PTPRA: variants seen among roughly 807,000 people sequenced by gnomAD.
The protein encoded by PTPRA is receptor-type tyrosine-protein phosphatase alpha.
PTPRA carries 25 observed loss-of-function variants against 104.8 expected under a neutral mutation model. That is an observed-to-expected ratio of 0.24 (90% confidence interval 0.17 to 0.33). The LOEUF (loss-of-function observed/expected upper bound fraction) is 0.33. Ranked by LOEUF, PTPRA falls within the 10% of genes least tolerant of loss-of-function variation. The pLI, the probability that PTPRA is intolerant of heterozygous loss-of-function variation, is 1.00. For synonymous variants in PTPRA, 323 were observed against 368.9 expected (o/e 0.88, Z 1.43); for missense variants, 765 against 1,015.3 (o/e 0.75, Z 3.35).
chr20:2,956,269 G>A (rs901091253), intron 3 of PTPRA, among the ~76,000 whole-genome samples: 1 of 152,146 alleles, frequency 6.6e-6, no homozygotes, highest in African/African-American at 2.4e-5. Context: ...ACCTTGCTGT[G>A]ATAAAACCTT....
At chr20:3,034,047 G>A (rs1449806563) in intron 20 of PTPRA, among the ~76,000 whole-genome samples, 2 of 152,102 alleles carry the variant, frequency 1.3e-5, no homozygotes, top group Non-Finnish European at 2.9e-5. Flanking sequence ...GAGGCAGGTG[G>A]ATCACCTGAG....
chr20:2,972,622 A>G (rs1403139045), intron 5 of PTPRA, among the ~76,000 whole-genome samples: 1 of 151,928 alleles, frequency 6.6e-6, no homozygotes. Flanking sequence ...AGATTGATCT[A>G]TGTTTTTCCT....
intron 10 of PTPRA, among the ~76,000 whole-genome samples, chr20:3,006,627 A>G (rs573271927): frequency 1.2e-4 from 18 of 152,294 alleles, no homozygotes; most frequent in Non-Finnish European, 1.9e-4. Flanking sequence ...ATGCATTTAC[A>G]GATACTTTTG....
At chr20:2,898,713 C>T (rs1023610545) in intron 1 of PTPRA, among the ~76,000 whole-genome samples, 7 of 151,664 alleles carry the variant, frequency 4.6e-5, no homozygotes, top group African/African-American at 1.7e-4. Flanking sequence ...TAAAAATTAG[C>T]CGGGCATAGT....
intron 11 of PTPRA, among the ~76,000 whole-genome samples, chr20:3,014,362 G>C (rs369637172): frequency 3.2e-4 from 48 of 152,330 alleles, no homozygotes; most frequent in East Asian, 1.2e-3. Flanking sequence ...CTCAGACCAG[G>C]CACGGTGGCT....
At chr20:2,874,575 C>G (rs1188297777) in intron 1 of PTPRA, among the ~76,000 whole-genome samples, 2 of 152,248 alleles carry the variant, frequency 1.3e-5, no homozygotes, top group African/African-American at 2.4e-5. Context: ...CCACATCACC[C>G]TGGAGATGGC....
chr20:2,897,990 G>A (rs1018080331), intron 1 of PTPRA, among the ~76,000 whole-genome samples: 16 of 142,222 alleles, frequency 1.1e-4, no homozygotes, highest in Non-Finnish European at 2.4e-4. Context: ...TTTGTTCACT[G>A]CAACCTCCAC....
intron 1 of PTPRA, among the ~76,000 whole-genome samples, chr20:2,875,270 GTGGGAAC>G (rs2089644534): frequency 6.6e-6 from 1 of 152,110 alleles, no homozygotes; most frequent in Admixed American, 6.5e-5. Flanking sequence ...CAGTCAGCAG[GTGGGAAC>G]TGGTAGGTCC....
chr20:2,927,162 C>A (rs1037268666), intron 2 of PTPRA, among the ~76,000 whole-genome samples: 2 of 152,150 alleles, frequency 1.3e-5, no homozygotes, highest in African/African-American at 4.8e-5. Flanking sequence ...CCCTCCTCAG[C>A]CTCCCAAAGT....
chr20:2,919,150 T>G (rs896394219), intron 1 of PTPRA, among the ~76,000 whole-genome samples: 1 of 152,146 alleles, frequency 6.6e-6, no homozygotes. Context: ...AAGTTGATTG[T>G]CTCAAATTTC....
At chr20:2,882,080 A>G (rs1033967759) in intron 1 of PTPRA, among the ~76,000 whole-genome samples, 3 of 152,196 alleles carry the variant, frequency 2.0e-5, no homozygotes, top group Non-Finnish European at 2.9e-5. Context: ...CCACTTAAAC[A>G]AAAAATGGAC....
intron 1 of PTPRA, among the ~76,000 whole-genome samples, chr20:2,879,856 G>A (rs749471049): frequency 6.6e-6 from 1 of 152,178 alleles, no homozygotes; most frequent in Non-Finnish European, 1.5e-5. Context: ...GTAGCAAGCT[G>A]TACCATCTCA....
chr20:2,971,889 C>G (rs1210364964), intron 5 of PTPRA, among the ~76,000 whole-genome samples: 1 of 152,100 alleles, frequency 6.6e-6, no homozygotes, highest in Non-Finnish European at 1.5e-5. Flanking sequence ...GGCTGGAGTG[C>G]AGTGGCGCCA....
At chr20:2,878,546 A>G (rs2089875952) in intron 1 of PTPRA, among the ~76,000 whole-genome samples, 1 of 151,816 alleles carries the variant, frequency 6.6e-6, no homozygotes. Flanking sequence ...TTATTCTTTT[A>G]TTTTTTTCTA....
chr20:2,943,090 A>G (rs1195483522), intron 2 of PTPRA, among the ~76,000 whole-genome samples: 1 of 150,936 alleles, frequency 6.6e-6, no homozygotes, highest in African/African-American at 2.4e-5. Flanking sequence ...CTGTTCTTTT[A>G]GTGGTTACCC....
intron 5 of PTPRA, among the ~76,000 whole-genome samples, chr20:2,970,195 A>G (rs1022414617): frequency 5.3e-5 from 8 of 152,176 alleles, no homozygotes; most frequent in Non-Finnish European, 1.2e-4. Flanking sequence ...GATTGTTTTC[A>G]GAGTACTCTT....
At chr20:2,997,302 A>G (rs1471184428) in intron 9 of PTPRA, among the ~76,000 whole-genome samples, 1 of 152,144 alleles carries the variant, frequency 6.6e-6, no homozygotes, top group Non-Finnish European at 1.5e-5. Context: ...TTTGTTTTCT[A>G]CTAAATTATT....
intron 6 of PTPRA, among the ~76,000 whole-genome samples, chr20:2,981,868 T>C (rs1170762891): frequency 1.3e-5 from 2 of 152,210 alleles, no homozygotes; most frequent in Non-Finnish European, 2.9e-5. Context: ...TGGCTCTGTT[T>C]GATCTCTTGG....
Position 3,027,183 on chromosome 20 carries a change from G to T in PTPRA, c.1771G>T (p.Ala591Ser). The T allele has an allele frequency of 6.2e-7, 1 of 1,613,974 alleles. No homozygotes were observed. Among genetic ancestry groups the T allele is most frequent in the Non-Finnish European group, 8.5e-7 (1 of 1,179,850 alleles). Reference protein sequence around the residue: ...RGEENTDYVNASFIDGYRQKD... With the variant: ...RGEENTDYVNSSFIDGYRQKD... ...CGAAGAGAATACAGACTATGTGAAC[G>T]CATCCTTTATTGATGTAAGTGGTGG... Residue 591 changes from alanine to serine, a missense_variant, in exon 19 of 24, where the codon GCA becomes TCA. Around this residue, in one of 4 missense-constraint regions of PTPRA, gnomAD observed 192 missense variants for 227.0 expected, o/e 0.85. Coordinates refer to ENST00000399903, the MANE Select transcript of PTPRA (RefSeq NM_001385305.1).
Sources: allele counts gnomAD v4.1 joint callset (sites outside exome capture counted in the v4.1 genomes callset), GRCh38; gene constraint gnomAD v4.1.1; regional missense constraint gnomAD v4.1.1; transcripts MANE v1.5; gene names NCBI Gene and HGNC (gene_info 2026-07-23, HGNC 2026-07-21).